Variants in ADGRL3 observed in about 807,000 individuals in gnomAD.
The protein encoded by ADGRL3 is adhesion G protein-coupled receptor L3.
In ADGRL3, 62 loss-of-function variants were observed where a neutral mutation model predicts 153.5. The observed-to-expected ratio is 0.40, with a 90% confidence interval of 0.33 to 0.50. The LOEUF (loss-of-function observed/expected upper bound fraction) is 0.50. Ranked by LOEUF, ADGRL3 falls within the 20% of genes least tolerant of loss-of-function variation. The probability of loss-of-function intolerance (pLI) is 0.47; values close to 1 mark genes in which losing one functional copy is unlikely to be tolerated. For missense variants in ADGRL3, 1,641 were observed against 1,859.4 expected (o/e 0.88, Z 2.16); for synonymous variants, 710 against 672.5 (o/e 1.06, Z -0.86).
intron 17 of ADGRL3, among the ~76,000 whole-genome samples, chr4:61,949,999 G>A (rs1029423812): frequency 3.9e-5 from 6 of 152,064 alleles, no homozygotes; most frequent in African/African-American, 1.4e-4. Flanking sequence ...CCCTGGAATG[G>A]CTTTTGCAAA....
At chr4:61,731,081 T>G (rs1195668866) in intron 7 of ADGRL3, among the ~76,000 whole-genome samples, 1 of 151,992 alleles carries the variant, frequency 6.6e-6, no homozygotes, top group Non-Finnish European at 1.5e-5. Context: ...ATAAAGCTTA[T>G]ATACAATTTT....
At chr4:61,436,766 A>G (rs2097451613) in intron 2 of ADGRL3, among the ~76,000 whole-genome samples, 1 of 152,164 alleles carries the variant, frequency 6.6e-6, no homozygotes, top group South Asian at 2.1e-4. Context: ...CCTGAAAATC[A>G]TAGTGGTAAG....
intron 5 of ADGRL3, among the ~76,000 whole-genome samples, chr4:61,599,413 C>G (rs1281287322): frequency 6.6e-6 from 1 of 152,128 alleles, no homozygotes; most frequent in Non-Finnish European, 1.5e-5. Flanking sequence ...AATCTGGGCT[C>G]CCTCCACCTC....
At chr4:61,216,317 T>C (rs1338110014) in intron 1 of ADGRL3, among the ~76,000 whole-genome samples, 1 of 152,108 alleles carries the variant, frequency 6.6e-6, no homozygotes, top group African/African-American at 2.4e-5. Context: ...TAGTAATACG[T>C]TTTGTTCCTA....
chr4:61,597,062 A>G (rs1170230250), intron 5 of ADGRL3, among the ~76,000 whole-genome samples: 1 of 152,026 alleles, frequency 6.6e-6, no homozygotes. Flanking sequence ...GCTAATTTCA[A>G]TATATAAATA....
At chr4:61,947,177 C>T (rs926676437) in intron 16 of ADGRL3, 55 bp downstream of exon 16, 4 of 1,328,574 alleles carry the variant, frequency 3.0e-6, no homozygotes, top group Non-Finnish European at 3.2e-6. Flanking sequence ...TTTTATAACA[C>T]TGAACATTAA....
intron 1 of ADGRL3, among the ~76,000 whole-genome samples, chr4:61,302,543 T>A (rs1231107417): frequency 6.6e-6 from 1 of 152,174 alleles, no homozygotes. Context: ...TAGACTAAAA[T>A]TCTTTTGTCA....
intron 5 of ADGRL3, among the ~76,000 whole-genome samples, chr4:61,623,190 C>T (rs1374798319): frequency 2.6e-5 from 4 of 152,070 alleles, no homozygotes; most frequent in Non-Finnish European, 4.4e-5. Flanking sequence ...GTTCTTGCTA[C>T]CCTCTTTCAT....
intron 8 of ADGRL3, among the ~76,000 whole-genome samples, chr4:61,758,179 TCAATTCCTGGATATCCCTGGA>T (rs1194280326): frequency 6.6e-6 from 1 of 152,068 alleles, no homozygotes; most frequent in African/African-American, 2.4e-5. Flanking sequence ...TTAACCTGAT[TCAATTCCTGGATATCCCTGGA>T]CAATCCCTGG....
At chr4:61,259,408 G>A (rs2092319068) in intron 1 of ADGRL3, among the ~76,000 whole-genome samples, 2 of 150,002 alleles carry the variant, frequency 1.3e-5, no homozygotes, top group African/African-American at 2.5e-5. Context: ...GGGCGACAGA[G>A]TGAGACTCTG....
At chr4:61,570,312 A>G (rs1260925766) in intron 4 of ADGRL3, among the ~76,000 whole-genome samples, 1 of 152,108 alleles carries the variant, frequency 6.6e-6, no homozygotes, top group Admixed American at 6.6e-5. Flanking sequence ...TAGTTAACAA[A>G]ATTCATAGTA....
intron 2 of ADGRL3, among the ~76,000 whole-genome samples, chr4:61,392,011 C>A (rs557585788): frequency 6.7e-6 from 1 of 148,906 alleles, no homozygotes; most frequent in African/African-American, 2.5e-5. Context: ...AGGCGCCTGC[C>A]ACCACGACCG....
chr4:61,734,867 T>C (rs951988167), intron 8 of ADGRL3, among the ~76,000 whole-genome samples: 8 of 152,354 alleles, frequency 5.3e-5, no homozygotes, highest in South Asian at 2.1e-4. Flanking sequence ...TCAACTCCAA[T>C]TTTTAGCCCT....
At chr4:61,564,177 T>G (rs1224003944) in intron 4 of ADGRL3, among the ~76,000 whole-genome samples, 1 of 150,394 alleles carries the variant, frequency 6.6e-6, no homozygotes, top group Non-Finnish European at 1.5e-5. Flanking sequence ...TGTTTTGACT[T>G]TTTTTTTTAT....
chr4:61,952,493 AAC>A (rs1490672162), intron 17 of ADGRL3, among the ~76,000 whole-genome samples: 62 of 152,078 alleles, frequency 4.1e-4, no homozygotes, highest in African/African-American at 1.4e-3. Flanking sequence ...AAAAAAAAAA[AAC>A]AATTTCATCC....
At chr4:61,344,297 A>G (rs1391674687) in intron 1 of ADGRL3, among the ~76,000 whole-genome samples, 2 of 152,234 alleles carry the variant, frequency 1.3e-5, no homozygotes, top group Non-Finnish European at 2.9e-5. Context: ...AGAATTGCTA[A>G]CAGTTGCTTT....
At chr4:61,340,492 TA>T (rs1453040161) in intron 1 of ADGRL3, among the ~76,000 whole-genome samples, 1 of 152,132 alleles carries the variant, frequency 6.6e-6, no homozygotes, top group East Asian at 1.9e-4. Context: ...AAATGCTTAA[TA>T]AAAGTAAATG....
intron 2 of ADGRL3, among the ~76,000 whole-genome samples, chr4:61,389,255 T>C (rs2096775333): frequency 6.6e-6 from 1 of 152,160 alleles, no homozygotes; most frequent in Non-Finnish European, 1.5e-5. Flanking sequence ...CATTTAAGAT[T>C]ATTTAGAAGG....
At chr4:61,707,034 TA>T (rs2095868775) in intron 6 of ADGRL3, among the ~76,000 whole-genome samples, 1 of 152,152 alleles carries the variant, frequency 6.6e-6, no homozygotes, top group Admixed American at 6.6e-5. Flanking sequence ...TTAAGTGGCT[TA>T]ATTTAAATAT....
Sources: allele counts gnomAD v4.1 joint callset (sites outside exome capture counted in the v4.1 genomes callset), GRCh38; gene constraint gnomAD v4.1.1; transcripts MANE v1.5; gene names NCBI Gene and HGNC (gene_info 2026-07-23, HGNC 2026-07-21).